PABPC4L: variants seen among roughly 807,000 people sequenced by gnomAD.
The protein encoded by PABPC4L is polyadenylate-binding protein 4-like.
For synonymous variants in PABPC4L, 169 were observed against 164.1 expected, an observed-to-expected ratio of 1.03 and a Z score of -0.23; for missense variants, 452 against 451.4, an observed-to-expected ratio of 1.00 and a Z score of -0.01.
the PABPC4L span, among the ~76,000 whole-genome samples, chr4:134,039,036 T>C: frequency 1.3e-5 from 2 of 152,158 alleles, no homozygotes; most frequent in Admixed American, 1.3e-4. Flanking sequence ...TTGTTCTCAT[T>C]GGTTTCAAAG....
At chr4:134,061,105 T>C in the PABPC4L span, among the ~76,000 whole-genome samples, 89 of 152,172 alleles carry the variant, frequency 5.8e-4, no homozygotes, top group African/African-American at 2.1e-3. Flanking sequence ...ACACAAAGGA[T>C]AGATGCTTGA....
the PABPC4L span, among the ~76,000 whole-genome samples, chr4:134,022,770 A>G: frequency 1.3e-5 from 2 of 151,938 alleles, no homozygotes; most frequent in Non-Finnish European, 2.9e-5. Flanking sequence ...CATGTCTTCT[A>G]TGCTTTTCCC....
chr4:134,080,876 T>C, the PABPC4L span, among the ~76,000 whole-genome samples: 1 of 152,204 alleles, frequency 6.6e-6, no homozygotes, highest in African/African-American at 2.4e-5. Context: ...TAGGGATGTC[T>C]GTTGTCACTA....
chr4:134,031,137 C>A, the PABPC4L span, among the ~76,000 whole-genome samples: 1 of 151,874 alleles, frequency 6.6e-6, no homozygotes, highest in Non-Finnish European at 1.5e-5. Context: ...AGGTTTTTTT[C>A]CCAGTTCTCC....
the PABPC4L span, among the ~76,000 whole-genome samples, chr4:134,163,166 A>G: frequency 6.6e-6 from 1 of 152,134 alleles, no homozygotes; most frequent in Non-Finnish European, 1.5e-5. Context: ...AGAAATGCAA[A>G]TGGAGGCATT....
chr4:134,088,766 T>G, the PABPC4L span, among the ~76,000 whole-genome samples: 1 of 152,058 alleles, frequency 6.6e-6, no homozygotes, highest in Non-Finnish European at 1.5e-5. Flanking sequence ...AGTAAATTTC[T>G]GGTCTTTATA....
At chr4:134,091,112 A>G in the PABPC4L span, among the ~76,000 whole-genome samples, 1 of 152,108 alleles carries the variant, frequency 6.6e-6, no homozygotes, top group Non-Finnish European at 1.5e-5. Flanking sequence ...GACTGAGGTC[A>G]TTATGCATGT....
rs935970570 is a variant in PABPC4L at position 134,201,076 on chromosome 4, G to C, written c.-57C>G. On this transcript the variant is annotated 5_prime_UTR_variant, in exon 2 of 2. Transcript: ENST00000421491. ...CTGGAGTTCTTTGAGCAATCCCTGT[G>C]GGGGGATACTAGGTCACAGCTTTGG... is the stretch of plus-strand genomic sequence containing the variant. The C allele has an allele frequency of 1.9e-6, 3 of 1,551,274 alleles. No homozygotes were observed. The highest frequency in any genetic ancestry group is 1.4e-5 in the African/African-American group (1 of 73,116).
At chr4:134,050,741 C>T in the PABPC4L span, among the ~76,000 whole-genome samples, 5 of 127,916 alleles carry the variant, frequency 3.9e-5, no homozygotes, top group East Asian at 2.3e-4. Flanking sequence ...AAAGACAACA[C>T]GTAAGGATAT....
chr4:133,959,845 T>C, the PABPC4L span, among the ~76,000 whole-genome samples: 1 of 152,236 alleles, frequency 6.6e-6, no homozygotes, highest in African/African-American at 2.4e-5. Context: ...AAGTCTTTTA[T>C]GGTATGGAGA....
At chr4:134,159,810 G>A in the PABPC4L span, among the ~76,000 whole-genome samples, 1 of 152,080 alleles carries the variant, frequency 6.6e-6, no homozygotes, top group South Asian at 2.1e-4. Context: ...GAAGCCCGCA[G>A]CCCTGAGAGT....
At chr4:134,116,091 C>T in the PABPC4L span, among the ~76,000 whole-genome samples, 11 of 151,748 alleles carry the variant, frequency 7.2e-5, no homozygotes, top group Non-Finnish European at 1.3e-4. Flanking sequence ...GTCCCACTTT[C>T]AGAAATAAAG....
the PABPC4L span, among the ~76,000 whole-genome samples, chr4:133,984,517 T>C: frequency 6.6e-6 from 1 of 152,024 alleles, no homozygotes; most frequent in African/African-American, 2.4e-5. Flanking sequence ...TCATTAGTCA[T>C]GTAGGTAGAC....
At chr4:134,081,147 C>T in the PABPC4L span, among the ~76,000 whole-genome samples, 1 of 152,144 alleles carries the variant, frequency 6.6e-6, no homozygotes, top group Admixed American at 6.5e-5. Flanking sequence ...TTAAGAAGGA[C>T]TGTTACTATA....
At chr4:134,115,752 A>G in the PABPC4L span, among the ~76,000 whole-genome samples, 1 of 151,790 alleles carries the variant, frequency 6.6e-6, no homozygotes, top group African/African-American at 2.4e-5. Flanking sequence ...ATACTGCCTG[A>G]AGAATAATAT....
the PABPC4L span, among the ~76,000 whole-genome samples, chr4:134,125,223 T>A: frequency 6.6e-6 from 1 of 152,108 alleles, no homozygotes; most frequent in Non-Finnish European, 1.5e-5. Flanking sequence ...GAGCTCTATA[T>A]TGAACCTGGG....
the PABPC4L span, among the ~76,000 whole-genome samples, chr4:134,148,342 G>A: frequency 1.3e-5 from 2 of 152,148 alleles, no homozygotes; most frequent in Admixed American, 1.3e-4. Flanking sequence ...CCCTTTTTAA[G>A]GGATGGTCAA....
At chr4:134,107,779 A>G in the PABPC4L span, among the ~76,000 whole-genome samples, 1 of 151,606 alleles carries the variant, frequency 6.6e-6, no homozygotes, top group Non-Finnish European at 1.5e-5. Flanking sequence ...TGACTTCTCA[A>G]TTCCGTGTGT....
chr4:134,039,214 G>C, the PABPC4L span, among the ~76,000 whole-genome samples: 2 of 151,910 alleles, frequency 1.3e-5, no homozygotes, highest in African/African-American at 4.8e-5. Flanking sequence ...CCATTCTTTT[G>C]CATTTTTTGA....
Sources: gnomAD v4.1 joint callset for allele counts (sites outside exome capture counted in the v4.1 genomes callset) on GRCh38, gnomAD v4.1.1 for gene constraint, MANE v1.5 for transcripts, NCBI Gene and HGNC (gene_info 2026-07-23, HGNC 2026-07-21) for gene names.